The following NOL9 variants were observed in gnomAD, a reference collection of about 807,000 sequenced individuals.
NOL9 encodes the protein polynucleotide 5'-hydroxyl-kinase NOL9.
A neutral mutation model predicts 67.9 loss-of-function variants in NOL9; 28 were observed. The ratio of observed to expected loss-of-function variants is 0.41; its 90% CI spans 0.31 to 0.57. The LOEUF (loss-of-function observed/expected upper bound fraction) is 0.57, where lower values mean the gene tolerates loss of function less well. NOL9 is among the 20% of genes least tolerant of loss of function. The probability of loss-of-function intolerance (pLI) is 0.25; values close to 1 mark genes in which losing one functional copy is unlikely to be tolerated. For synonymous variants in NOL9, 356 were observed against 352.2 expected, an observed-to-expected ratio of 1.01 and a Z score of -0.12; for missense variants, 777 against 897.0, an observed-to-expected ratio of 0.87 and a Z score of 1.71.
chr1:6,537,192 G>A (rs1170055030), intron 6 of NOL9, among the ~76,000 whole-genome samples: 2 of 151,788 alleles, frequency 1.3e-5, no homozygotes, highest in South Asian at 2.1e-4. Flanking sequence ...GTTATCCACG[G>A]GGAGAAGAAG....
At chr1:6,538,572 T>C (rs770501947) in intron 6 of NOL9, among the ~76,000 whole-genome samples, 3 of 151,910 alleles carry the variant, frequency 2.0e-5, no homozygotes. Flanking sequence ...CTCGGGAGGC[T>C]GAGGCAGGAG....
intron 10 of NOL9, among the ~76,000 whole-genome samples, chr1:6,527,349 T>C (rs1254042384): frequency 2.0e-5 from 3 of 151,866 alleles, no homozygotes; most frequent in Non-Finnish European, 4.4e-5. Flanking sequence ...ATGGTCTACA[T>C]GCAAAAGTCC....
intron 1 of NOL9, among the ~76,000 whole-genome samples, chr1:6,551,824 G>A (rs1479896176): frequency 6.6e-6 from 1 of 152,028 alleles, no homozygotes; most frequent in Admixed American, 6.6e-5. Context: ...AAGGTCAGGA[G>A]ATCAAGACCA....
chr1:6,543,129 C>T (rs573006894), intron 5 of NOL9, among the ~76,000 whole-genome samples: 8 of 149,592 alleles, frequency 5.3e-5, no homozygotes, highest in East Asian at 2.0e-4. Context: ...CCTGGGCTCA[C>T]GCAATCCTCC....
chr1:6,530,811 CAG>C (rs1639007646), intron 9 of NOL9, among the ~76,000 whole-genome samples: 1 of 152,274 alleles, frequency 6.6e-6, no homozygotes, highest in African/African-American at 2.4e-5. Context: ...CCATGCTTCG[CAG>C]AGTGCCTGGC....
chr1:6,552,335 T>C (rs1312020425), intron 1 of NOL9, among the ~76,000 whole-genome samples: 1 of 151,342 alleles, frequency 6.6e-6, no homozygotes, highest in Non-Finnish European at 1.5e-5. Flanking sequence ...CGATATTTGA[T>C]TTTCTGTACC....
At chr1:6,550,266 C>A in intron 2 of NOL9, 130 bp downstream of exon 2, 1 of 723,418 alleles carries the variant, frequency 1.4e-6, no homozygotes. Flanking sequence ...CTCCTGACCT[C>A]ATGATCCGCC....
chr1:6,525,743 G>C lies in NOL9; in HGVS notation c.*111C>G, dbSNP rs1187068954. Reference sequence around the variant, plus strand: ...CACGAATTACACAAAAAACACTGTTGCTAATAAGGGCACCATTCATGGCCA... The same window carrying C: ...CACGAATTACACAAAAAACACTGTTCCTAATAAGGGCACCATTCATGGCCA... On this transcript the variant is annotated 3_prime_UTR_variant, in exon 12 of 12. Coordinates refer to ENST00000377705, the MANE Select transcript of NOL9 (RefSeq NM_024654.5). 4 of 1,095,706 alleles carry C rather than the reference G, an allele frequency of 3.7e-6. No individual in the cohort carries two copies. Among genetic ancestry groups the C allele is most frequent in the African/African-American group, 1.6e-5 (1 of 63,344 alleles). 67.9% of individuals were successfully genotyped at this position (1,095,706 alleles called of 1,614,324 possible). A position where few individuals can be genotyped will look rare whatever the true frequency, so the allele number is the denominator to read the frequency against.
chr1:6,548,496 G>T, intron 3 of NOL9: 1 of 246,192 alleles, frequency 4.1e-6, no homozygotes, highest in South Asian at 5.5e-5. Flanking sequence ...CATGTCAGCA[G>T]AGCCTACGGT....
intron 3 of NOL9, among the ~76,000 whole-genome samples, chr1:6,545,709 C>CACCCAT (rs1282654002): frequency 2.4e-5 from 2 of 82,392 alleles, no homozygotes; most frequent in Non-Finnish European, 5.7e-5. Flanking sequence ...GGAAGGGCCC[C>CACCCAT]GTCCTCTTGC....
chr1:6,549,526 T>A, intron 3 of NOL9, 45 bp downstream of exon 3: 5 of 1,606,058 alleles, frequency 3.1e-6, no homozygotes, highest in Non-Finnish European at 4.3e-6. Context: ...AATCACTGTT[T>A]TGGTGCAAGT....
rs1287698159 is a variant in NOL9, at chr1:6,541,010, C to CTTTTTTTTTTTTTTTTTTTTTT, written c.1075+819_1075+820insAAAAAAAAAAAAAAAAAAAAAA. 3.2e-5 allele frequency: 4 copies of CTTTTTTTTTTTTTTTTTTTTTT among 123,092 alleles called. 2 individuals carry two copies. The highest frequency in any genetic ancestry group is 5.0e-4 in the South Asian group (2 of 4,026). 7.6% of individuals were successfully genotyped at this position (123,092 alleles called of 1,614,324 possible). A position where few individuals can be genotyped will look rare whatever the true frequency, so the allele number is the denominator to read the frequency against. Reference sequence around the variant, plus strand: ...ATAAAATCTGTAGACTGGTTAACAGCGTTTTTTTTTTTTTTTTTTTTTTTG... The same window carrying CTTTTTTTTTTTTTTTTTTTTTT: ...ATAAAATCTGTAGACTGGTTAACAGCTTTTTTTTTTTTTTTTTTTTTTGTTTTTTTTTTTTTTTTTTTTTTTG... On this transcript the variant is annotated intron_variant, in intron 6 of 11. Coordinates refer to ENST00000377705, the MANE Select transcript of NOL9 (RefSeq NM_024654.5).
At chr1:6,540,124 CTTTTTT>C (rs770304509) in intron 6 of NOL9, among the ~76,000 whole-genome samples, 7 of 104,382 alleles carry the variant, frequency 6.7e-5, no homozygotes, top group Non-Finnish European at 8.8e-5. Context: ...GAGAGTTATT[CTTTTTT>C]TTTTTTTTTT....
intron 6 of NOL9, among the ~76,000 whole-genome samples, chr1:6,534,594 G>C (rs1639107105): frequency 6.6e-6 from 1 of 152,228 alleles, no homozygotes; most frequent in African/African-American, 2.4e-5. Context: ...GGGGTAGCCA[G>C]CAGCAGAGGG....
chr1:6,546,671 C>T (rs1178592977), intron 3 of NOL9, among the ~76,000 whole-genome samples: 2 of 152,182 alleles, frequency 1.3e-5, no homozygotes, highest in Non-Finnish European at 2.9e-5. Flanking sequence ...TACATAGTTC[C>T]AGCAGCCTCT....
rs1638781340 is a variant in NOL9 at position 6,522,029 on chromosome 1, G to C, written c.*3825C>G. ...AATCAAAGCCTGCTGTCTTATCCAT[G>C]ATCTTGCCATCCAAACCCAAAAACA... On this transcript the variant is annotated 3_prime_UTR_variant, in exon 12 of 12. Coordinates refer to ENST00000377705, the MANE Select transcript of NOL9 (RefSeq NM_024654.5). The C allele has an allele frequency of 2.0e-5, 3 of 152,352 alleles. No individual in the cohort carries two copies. The highest frequency in any genetic ancestry group is 2.0e-4 in the Admixed American group (3 of 15,288). The allele number at this position is 152,352 out of a possible 1,614,324, so 9.4% of individuals were successfully genotyped here.
chr1:6,540,442 TAC>T (rs887252740), intron 6 of NOL9, among the ~76,000 whole-genome samples: 21 of 151,876 alleles, frequency 1.4e-4, no homozygotes, highest in African/African-American at 5.1e-4. Context: ...CTTTAATGAG[TAC>T]AGTTTTCATT....
chr1:6,552,210 T>C (rs181561361), intron 1 of NOL9, among the ~76,000 whole-genome samples: 78 of 152,226 alleles, frequency 5.1e-4, no homozygotes, highest in African/African-American at 1.9e-3. Flanking sequence ...TGTGTTGATC[T>C]GTGCAGCAAA....
At position 6,525,739 on chromosome 1, in the gene NOL9, T is replaced by G; in HGVS notation, c.*115A>C. The stretch of plus-strand genomic sequence containing the variant: ...CATTCACGAATTACACAAAAAACAC[T>G]GTTGCTAATAAGGGCACCATTCATG... On this transcript the variant is annotated 3_prime_UTR_variant, in exon 12 of 12. Coordinates refer to ENST00000377705, the MANE Select transcript of NOL9 (RefSeq NM_024654.5). 9.5e-7 allele frequency: 1 copy of G among 1,049,916 alleles called. No individual in the cohort carries two copies. Among genetic ancestry groups the G allele is most frequent in the Non-Finnish European group, 1.4e-6 (1 of 699,118 alleles). 65.0% of individuals were successfully genotyped at this position (1,049,916 alleles called of 1,614,324 possible).
Sources: allele counts gnomAD v4.1 joint callset (sites outside exome capture counted in the v4.1 genomes callset), GRCh38; gene constraint gnomAD v4.1.1; transcripts MANE v1.5; gene names NCBI Gene and HGNC (gene_info 2026-07-23, HGNC 2026-07-21).